COA1: variants seen among roughly 807,000 people sequenced by gnomAD.
The protein encoded by COA1 is cytochrome c oxidase assembly factor 1 homolog.
A neutral mutation model predicts 16.0 loss-of-function variants in COA1; 13 were observed. The ratio of observed to expected loss-of-function variants is 0.81; its 90% confidence interval spans 0.53 to 1.29. The LOEUF is 1.29. Among genes scored for constraint, COA1 ranks in the 50% most tolerant of loss-of-function variants. The pLI, the probability that COA1 is intolerant of heterozygous loss-of-function variation, is 0.00. For synonymous variants in COA1, 65 were observed against 65.7 expected (o/e 0.99, Z 0.05); for missense variants, 179 against 177.0 (o/e 1.01, Z -0.06).
At chr7:43,702,467 T>C (rs1563421928) in intron 1 of COA1, among the ~76,000 whole-genome samples, 2 of 152,200 alleles carry the variant, frequency 1.3e-5, no homozygotes, top group Admixed American at 6.5e-5. Flanking sequence ...TCTGTCTTTC[T>C]ACTGGTACTA....
intron 1 of COA1, among the ~76,000 whole-genome samples, chr7:43,702,804 C>T (rs1250808620): frequency 6.6e-6 from 1 of 152,080 alleles, no homozygotes; most frequent in Non-Finnish European, 1.5e-5. Context: ...AAAGAACCAA[C>T]TTTTGGTTTC....
chr7:43,718,236 T>C (rs1372962664), intron 1 of COA1, among the ~76,000 whole-genome samples: 1 of 152,218 alleles, frequency 6.6e-6, no homozygotes, highest in Non-Finnish European at 1.5e-5. Context: ...TAGCAGCAGA[T>C]AGAGTATAAA....
At chr7:43,643,764 C>A (rs2087886019) in intron 4 of COA1, among the ~76,000 whole-genome samples, 1 of 150,638 alleles carries the variant, frequency 6.6e-6, no homozygotes, top group Admixed American at 6.6e-5. Flanking sequence ...GATGGCTCCC[C>A]GTAGCCAGTC....
intron 4 of COA1, among the ~76,000 whole-genome samples, chr7:43,642,609 A>C (rs2087477916): frequency 6.6e-6 from 1 of 152,242 alleles, no homozygotes; most frequent in Non-Finnish European, 1.5e-5. Flanking sequence ...AGAAATGGGC[A>C]GAAGCAAGAA....
At chr7:43,643,006 G>T (rs2087599888) in intron 4 of COA1, among the ~76,000 whole-genome samples, 1 of 152,240 alleles carries the variant, frequency 6.6e-6, no homozygotes, top group Non-Finnish European at 1.5e-5. Context: ...CGTGCACTGA[G>T]GCTCCAGGTG....
chr7:43,638,450 T>TAATA (rs1472197500), downstream of COA1, among the ~76,000 whole-genome samples: 3 of 152,164 alleles, frequency 2.0e-5, no homozygotes, highest in Non-Finnish European at 4.4e-5. Context: ...CTTATAAGAC[T>TAATA]AATAAAACCT....
chr7:43,709,433 A>AG (rs2095130673), intron 1 of COA1, among the ~76,000 whole-genome samples: 7 of 85,300 alleles, frequency 8.2e-5, no homozygotes, highest in African/African-American at 2.1e-4. Flanking sequence ...ACTTTGTTTT[A>AG]TTGTGTGTGT....
chr7:43,613,140 G>A lies in COA1; in HGVS notation c.*134-3645C>T, dbSNP rs190266774. Among the ~76,000 whole-genome samples the A allele has an allele frequency of 2.4e-4, 37 of 152,222 alleles. 1 individual carries two copies. Among genetic ancestry groups the A allele is most frequent in the Admixed American group, 5.2e-4 (8 of 15,296 alleles). On this transcript the variant is annotated intron_variant and NMD_transcript_variant, in intron 6 of 6. Transcript: ENST00000415076. ...ATCTATTGCTCTTTTTTCTTCAAAT[G>A]GTGTTGTACTGGTTCAGTCTTTCAG... is the stretch of plus-strand genomic sequence containing the variant.
At chr7:43,686,868 G>T (rs1312628514) in intron 1 of COA1, among the ~76,000 whole-genome samples, 1 of 152,158 alleles carries the variant, frequency 6.6e-6, no homozygotes, top group Non-Finnish European at 1.5e-5. Context: ...AATTGATATA[G>T]TGAGTTCCCA....
chr7:43,700,909 T>C (rs2094710794), intron 1 of COA1, among the ~76,000 whole-genome samples: 1 of 152,090 alleles, frequency 6.6e-6, no homozygotes. Context: ...ACAAAGCATT[T>C]TGCCAACAGT....
chr7:43,708,369 G>T (rs849175), intron 1 of COA1, among the ~76,000 whole-genome samples: 1 of 148,596 alleles, frequency 6.7e-6, no homozygotes, highest in Non-Finnish European at 1.5e-5. Flanking sequence ...GCTAAAGTGA[G>T]AGGATTGCTT....
At chr7:43,640,726 T>C (rs2086838891) in intron 4 of COA1, 77 bp from the exon 5 acceptor site, 1 of 1,059,480 alleles carries the variant, frequency 9.4e-7, no homozygotes, top group Admixed American at 2.4e-5. Context: ...AAAATGATGC[T>C]TTCTAGAGCT....
intron 1 of COA1, among the ~76,000 whole-genome samples, chr7:43,706,440 C>T (rs1261177241): frequency 6.6e-6 from 1 of 151,604 alleles, no homozygotes; most frequent in African/African-American, 2.4e-5. Flanking sequence ...CCCAGCTACT[C>T]AGGAGGCTGA....
At position 43,685,927 on chromosome 7, in the gene COA1, T is replaced by C. The variant is rs534880688; in HGVS notation, c.-38-37275A>G. On this transcript the variant is annotated intron_variant, in intron 1 of 5. Transcript: ENST00000223336. ...ATTTGCTAAAAATAATAAATCACTATCTTTAACAAATCCTGGTTGATACAA... is the reference window on the plus strand; with the variant it reads ...ATTTGCTAAAAATAATAAATCACTACCTTTAACAAATCCTGGTTGATACAA... Among the ~76,000 whole-genome samples the C allele has an allele frequency of 1.1e-4, 17 of 152,310 alleles. No individual in the cohort carries two copies. In the East Asian group the frequency reaches 3.1e-3, roughly 28 times the overall value.
chr7:43,710,375 A>AAAAATATATATATAT (rs761592421), intron 1 of COA1, among the ~76,000 whole-genome samples: 1 of 36,448 alleles, frequency 2.7e-5, no homozygotes, highest in Admixed American at 4.7e-4. Context: ...AAAAAAAAAA[A>AAAAATATATATATAT]ATATATATAT....
intron 6 of COA1, among the ~76,000 whole-genome samples, chr7:43,615,044 C>T (rs2083216086): frequency 6.6e-6 from 1 of 152,144 alleles, no homozygotes; most frequent in African/African-American, 2.4e-5. Context: ...CAGTATTTCA[C>T]CTGGCATTTT....
rs749011542 is a variant in COA1, at chr7:43,624,733, G to C, written c.*133+14716C>G. ...ATTGTAGTTACTTCATATACTCTAG[G>C]ACAATGCAGACAGTCTGAAAAAGAG... On this transcript the variant is annotated intron_variant and NMD_transcript_variant, in intron 6 of 6. Transcript: ENST00000415076. 3.7e-6 allele frequency: 6 copies of C among 1,613,854 alleles called. No individual in the cohort carries two copies. The highest frequency in any genetic ancestry group is 5.1e-6 in the Non-Finnish European group (6 of 1,179,940).
intron 1 of COA1, among the ~76,000 whole-genome samples, chr7:43,652,387 T>C (rs1220870411): frequency 6.6e-6 from 1 of 152,202 alleles, no homozygotes; most frequent in African/African-American, 2.4e-5. Context: ...ATGTTTGATA[T>C]GCACTACTCC....
At chr7:43,683,831 T>G (rs2093886953) in intron 1 of COA1, among the ~76,000 whole-genome samples, 1 of 152,200 alleles carries the variant, frequency 6.6e-6, no homozygotes, top group Non-Finnish European at 1.5e-5. Context: ...AAGTTTTTAT[T>G]CTTGCTGCAT....
Sources: gnomAD v4.1 joint callset for allele counts (sites outside exome capture counted in the v4.1 genomes callset) on GRCh38, gnomAD v4.1.1 for gene constraint, MANE v1.5 for transcripts, NCBI Gene and HGNC (gene_info 2026-07-23, HGNC 2026-07-21) for gene names.